PLXDC1: variants seen among roughly 807,000 people sequenced by gnomAD.
The protein encoded by PLXDC1 is plexin domain-containing protein 1.
PLXDC1 carries 39 observed loss-of-function variants against 61.3 expected under a neutral mutation model. The observed-to-expected ratio is 0.64, with a 90% confidence interval of 0.49 to 0.83. PLXDC1 has a LOEUF of 0.83. Ranked by LOEUF, PLXDC1 falls within the 40% of genes least tolerant of loss-of-function variation. PLXDC1 has a pLI of 0.00. For synonymous variants in PLXDC1, 212 were observed against 254.5 expected (o/e 0.83, Z 1.59); for missense variants, 596 against 666.5 (o/e 0.89, Z 1.17).
intron 2 of PLXDC1, among the ~76,000 whole-genome samples, chr17:39,129,711 GGAAAGAAA>G (rs905924810): frequency 2.1e-4 from 23 of 108,256 alleles, no homozygotes; most frequent in Non-Finnish European, 3.8e-4. Context: ...AAAGAAAGAA[GGAAAGAAA>G]GAAAGAAAGA....
At chr17:39,139,211 G>T (rs1911852082) in intron 2 of PLXDC1, among the ~76,000 whole-genome samples, 1 of 152,208 alleles carries the variant, frequency 6.6e-6, no homozygotes, top group Admixed American at 6.5e-5. Flanking sequence ...GCCCCCTGCT[G>T]AGTGCCCAGC....
chr17:39,117,479 G>T (rs1911012622), intron 2 of PLXDC1, among the ~76,000 whole-genome samples: 1 of 152,060 alleles, frequency 6.6e-6, no homozygotes, highest in Admixed American at 6.6e-5. Context: ...CAAAAGACAA[G>T]AAGCACTTTG....
intron 2 of PLXDC1, among the ~76,000 whole-genome samples, chr17:39,127,751 T>C (rs1911353086): frequency 6.6e-6 from 1 of 151,566 alleles, no homozygotes; most frequent in South Asian, 2.1e-4. Flanking sequence ...GTCAAGAGAT[T>C]GAGACCATCC....
At chr17:39,088,089 C>G (rs1369616552) in intron 7 of PLXDC1, among the ~76,000 whole-genome samples, 1 of 152,234 alleles carries the variant, frequency 6.6e-6, no homozygotes, top group East Asian at 1.9e-4. Flanking sequence ...AGCAGCCCTC[C>G]TTGGCCAGCT....
intron 8 of PLXDC1, among the ~76,000 whole-genome samples, chr17:39,085,690 C>T (rs1567756503): frequency 6.6e-6 from 1 of 152,150 alleles, no homozygotes; most frequent in Admixed American, 6.5e-5. Context: ...CTACAGAATA[C>T]GATGGCTTGG....
At chr17:39,075,836 G>T (rs1051714713) in intron 11 of PLXDC1, among the ~76,000 whole-genome samples, 1 of 152,194 alleles carries the variant, frequency 6.6e-6, no homozygotes, top group African/African-American at 2.4e-5. Context: ...CTAAGACTTT[G>T]GGAAGCCAAG....
At chr17:39,101,241 G>T (rs915514140) in intron 7 of PLXDC1, among the ~76,000 whole-genome samples, 1 of 152,192 alleles carries the variant, frequency 6.6e-6, no homozygotes, top group Non-Finnish European at 1.5e-5. Context: ...TATCAGAAAC[G>T]CGCAGAAGAG....
At chr17:39,148,119 T>C (rs1490903711) in intron 1 of PLXDC1, among the ~76,000 whole-genome samples, 4 of 151,784 alleles carry the variant, frequency 2.6e-5, no homozygotes, top group Admixed American at 2.6e-4. Flanking sequence ...GAGAAGATGG[T>C]GGGATGAGGG....
At chr17:39,117,895 T>G (rs1911029306) in intron 2 of PLXDC1, among the ~76,000 whole-genome samples, 1 of 152,148 alleles carries the variant, frequency 6.6e-6, no homozygotes, top group South Asian at 2.1e-4. Flanking sequence ...AGAAGAGACT[T>G]CAGCTGGGGC....
At chr17:39,095,510 C>G (rs1222174915) in intron 7 of PLXDC1, among the ~76,000 whole-genome samples, 4 of 151,840 alleles carry the variant, frequency 2.6e-5, no homozygotes, top group African/African-American at 9.7e-5. Flanking sequence ...CCCAGAGCAC[C>G]ATTTCTGGCA....
At chr17:39,118,639 T>C (rs1471427409) in intron 2 of PLXDC1, among the ~76,000 whole-genome samples, 1 of 152,212 alleles carries the variant, frequency 6.6e-6, no homozygotes, top group Non-Finnish European at 1.5e-5. Flanking sequence ...CCCATCCCAA[T>C]GACGTTTGCC....
intron 1 of PLXDC1, among the ~76,000 whole-genome samples, chr17:39,147,433 AC>A (rs1243106956): frequency 6.6e-6 from 1 of 152,188 alleles, no homozygotes; most frequent in Non-Finnish European, 1.5e-5. Flanking sequence ...TGGTGTGTCA[AC>A]TTGCTGCACC....
intron 2 of PLXDC1, among the ~76,000 whole-genome samples, chr17:39,128,155 A>G (rs1176558194): frequency 1.9e-4 from 5 of 26,852 alleles, no homozygotes; most frequent in African/African-American, 6.0e-4. Flanking sequence ...ATATGTGTGT[A>G]TATATATGTA....
intron 12 of PLXDC1, chr17:39,072,200 AG>A (rs1909145640): frequency 1.8e-6 from 1 of 546,098 alleles, no homozygotes; most frequent in African/African-American, 1.9e-5. Flanking sequence ...ACAGAGAGCC[AG>A]GAGAAGAACC....
intron 7 of PLXDC1, among the ~76,000 whole-genome samples, chr17:39,092,947 G>A (rs917943035): frequency 6.6e-6 from 1 of 152,232 alleles, no homozygotes; most frequent in African/African-American, 2.4e-5. Context: ...GTTAGGAAGA[G>A]ACATGTTCAG....
intron 2 of PLXDC1, among the ~76,000 whole-genome samples, chr17:39,130,989 G>A (rs549371852): frequency 8.2e-4 from 125 of 152,230 alleles, no homozygotes; most frequent in African/African-American, 2.9e-3. Flanking sequence ...GAACCGGACC[G>A]GGAGAAAACC....
At chr17:39,095,651 GGTT>G (rs1027918873) in intron 7 of PLXDC1, among the ~76,000 whole-genome samples, 8 of 151,758 alleles carry the variant, frequency 5.3e-5, no homozygotes, top group African/African-American at 1.9e-4. Context: ...TTGGCGGGGG[GGTT>G]GTTTTTGTTT....
In PLXDC1 at chr17:39,128,129, G is replaced by GTA. The variant is rs1219091403; in HGVS notation, c.255+11523_255+11524dup. Among the ~76,000 whole-genome samples, 3 of 52,590 alleles carry GTA rather than the reference G, an allele frequency of 5.7e-5. 1 individual carries two copies. Among genetic ancestry groups the GTA allele is most frequent in the Admixed American group, 1.5e-4 (1 of 6,596 alleles). The allele number at this position is 52,590 out of a possible 152,430, so 34.5% of individuals were successfully genotyped here. A position where few individuals can be genotyped will look rare whatever the true frequency, so the allele number is the denominator to read the frequency against. On this transcript the variant is annotated intron_variant, in intron 2 of 13. Coordinates refer to ENST00000315392, the MANE Select transcript of PLXDC1 (RefSeq NM_020405.5). Reference sequence around the variant, plus strand: ...TATATATATATGTATATATATATGTGTATATATATGTATATATATGTGTGT... The same window carrying GTA: ...TATATATATATGTATATATATATGTGTATATATATATGTATATATATGTGTGT...
chr17:39,094,371 G>C (rs1411242280), intron 7 of PLXDC1, among the ~76,000 whole-genome samples: 1 of 152,156 alleles, frequency 6.6e-6, no homozygotes, highest in African/African-American at 2.4e-5. Flanking sequence ...GGGTGCCTGA[G>C]GCCATAGGTT....
Sources: gnomAD v4.1 joint callset for allele counts (sites outside exome capture counted in the v4.1 genomes callset) on GRCh38, gnomAD v4.1.1 for gene constraint, MANE v1.5 for transcripts, NCBI Gene and HGNC (gene_info 2026-07-23, HGNC 2026-07-21) for gene names.